KCNB2: variants seen among roughly 807,000 people sequenced by gnomAD.
KCNB2 encodes delayed rectifier potassium channel protein.
A neutral mutation model predicts 61.5 loss-of-function variants in KCNB2; 15 were observed. The observed-to-expected ratio is 0.24, with a 90% CI of 0.16 to 0.38. The LOEUF is 0.38. Among genes scored for constraint, KCNB2 ranks in the 10% least tolerant of loss-of-function variants. KCNB2 has a pLI of 1.00. For synonymous variants in KCNB2, 457 were observed against 446.0 expected (o/e 1.02, Z -0.31); for missense variants, 828 against 1,125.2 (o/e 0.74, Z 3.78).
At chr8:72,649,265 T>A (rs1806177513) in intron 2 of KCNB2, among the ~76,000 whole-genome samples, 1 of 152,144 alleles carries the variant, frequency 6.6e-6, no homozygotes, top group Non-Finnish European at 1.5e-5. Context: ...ACTGAATCTG[T>A]TTTTTCACTT....
chr8:72,901,598 A>G (rs1410228192), intron 2 of KCNB2, among the ~76,000 whole-genome samples: 2 of 152,120 alleles, frequency 1.3e-5, no homozygotes, highest in Admixed American at 6.6e-5. Context: ...TCCATTTTGG[A>G]TGAGCCATAG....
At chr8:72,640,451 C>G (rs79362556) in intron 2 of KCNB2, among the ~76,000 whole-genome samples, 2,794 of 152,098 alleles carry the variant, frequency 0.018, 67 homozygotes, top group African/African-American at 0.062. Flanking sequence ...TGAAGCAACC[C>G]AAATCCTGTC....
At chr8:72,701,951 CAAT>C (rs1301565810) in intron 2 of KCNB2, among the ~76,000 whole-genome samples, 7 of 152,082 alleles carry the variant, frequency 4.6e-5, no homozygotes, top group Admixed American at 4.6e-4. Flanking sequence ...AAAACATTAA[CAAT>C]GATTATTTTT....
intron 2 of KCNB2, among the ~76,000 whole-genome samples, chr8:72,804,287 G>A (rs1445306810): frequency 1.3e-5 from 2 of 152,028 alleles, no homozygotes; most frequent in African/African-American, 2.4e-5. Context: ...CCTTCCTCCC[G>A]GTTTTTTTTT....
At chr8:72,782,354 T>C (rs1455410011) in intron 2 of KCNB2, among the ~76,000 whole-genome samples, 1 of 151,996 alleles carries the variant, frequency 6.6e-6, no homozygotes, top group Non-Finnish European at 1.5e-5. Context: ...GGCAGACACA[T>C]CTGAATGTGT....
Position 72,660,221 on chromosome 8 carries a change from G to A in KCNB2, c.579+91908G>A, listed in dbSNP as rs776224774. Among the ~76,000 whole-genome samples the A allele has an allele frequency of 1.2e-3, 178 of 152,198 alleles. 1 individual carries two copies. The highest frequency in any genetic ancestry group is 2.0e-3 in the Non-Finnish European group (137 of 68,042). ...TTGTTAAAGGAGAATGAACTTGGAA[G>A]GTGGCTTACTTTTTTCAAGTGGGAA... On this transcript the variant is annotated intron_variant, in intron 2 of 2. Coordinates refer to ENST00000523207, the MANE Select transcript of KCNB2 (RefSeq NM_004770.3).
intron 2 of KCNB2, among the ~76,000 whole-genome samples, chr8:72,606,792 A>C (rs915243845): frequency 6.6e-6 from 1 of 152,194 alleles, no homozygotes; most frequent in South Asian, 2.1e-4. Flanking sequence ...CCAGGAGATG[A>C]GGTCTGCTTG....
intron 2 of KCNB2, among the ~76,000 whole-genome samples, chr8:72,889,850 G>C (rs1361361293): frequency 6.6e-6 from 1 of 151,942 alleles, no homozygotes; most frequent in African/African-American, 2.4e-5. Context: ...CCATCTCCTG[G>C]GTTCAAGCAA....
rs1563523646 is a variant in KCNB2 at position 72,561,778 on chromosome 8, G to GTGT, written c.-93-5864_-93-5863insTGT. On this transcript the variant is annotated intron_variant, in intron 1 of 2. Transcript: ENST00000523207. The stretch of plus-strand genomic sequence containing the variant: ...ATATATATGGATATATATATATATG[G>GTGT]ATATATATATACATATATATATATA... Among the ~76,000 whole-genome samples the GTGT allele has an allele frequency of 4.0e-3, 138 of 34,326 alleles. 18 individuals are homozygous for GTGT. Among genetic ancestry groups the GTGT allele is most frequent in the Admixed American group, 0.023 (61 of 2,654 alleles). The allele number at this position is 34,326 out of a possible 152,430, so 22.5% of individuals were successfully genotyped here. A position where few individuals can be genotyped will look rare whatever the true frequency, so the allele number is the denominator to read the frequency against.
intron 2 of KCNB2, among the ~76,000 whole-genome samples, chr8:72,648,491 C>T (rs1006527755): frequency 2.0e-5 from 3 of 150,842 alleles, no homozygotes; most frequent in African/African-American, 7.3e-5. Context: ...CTAGGCTGGT[C>T]GCGAACCCCT....
chr8:72,585,819 C>T lies in KCNB2; in HGVS notation c.579+17506C>T, dbSNP rs181426694. On this transcript the variant is annotated intron_variant, in intron 2 of 2. Coordinates refer to ENST00000523207, the MANE Select transcript of KCNB2 (RefSeq NM_004770.3). ...AGCAGATTTGGAAAATACCTTATTT[C>T]GGCCAAATAATGGCAACTGACATTT... 4.3e-3 allele frequency among the ~76,000 whole-genome samples: 655 copies of T among 152,264 alleles called. 1 individual carries two copies. The highest frequency in any genetic ancestry group is 0.031 in the Middle Eastern group (9 of 294).
At chr8:72,834,426 G>T (rs986353934) in intron 2 of KCNB2, among the ~76,000 whole-genome samples, 6 of 152,172 alleles carry the variant, frequency 3.9e-5, no homozygotes, top group African/African-American at 1.4e-4. Flanking sequence ...CAGTTCTGGA[G>T]CGATGTGAGC....
At chr8:72,732,467 T>C (rs1399077385) in intron 2 of KCNB2, among the ~76,000 whole-genome samples, 5 of 152,244 alleles carry the variant, frequency 3.3e-5, no homozygotes, top group Middle Eastern at 3.2e-3. Flanking sequence ...GCTGGTCACT[T>C]TCTATCCTTT....
chr8:72,882,316 C>A (rs1055596405), intron 2 of KCNB2, among the ~76,000 whole-genome samples: 1 of 152,162 alleles, frequency 6.6e-6, no homozygotes, highest in African/African-American at 2.4e-5. Context: ...ACTCACCTGC[C>A]TTCAGGGGCT....
At chr8:72,885,452 C>T (rs1805788470) in intron 2 of KCNB2, among the ~76,000 whole-genome samples, 1 of 152,004 alleles carries the variant, frequency 6.6e-6, no homozygotes, top group South Asian at 2.1e-4. Context: ...GTAAGCTTAG[C>T]CTTTTGATTA....
chr8:72,588,741 AAAT>A (rs1174813878), intron 2 of KCNB2, among the ~76,000 whole-genome samples: 2 of 90,134 alleles, frequency 2.2e-5, no homozygotes, highest in African/African-American at 6.5e-5. Context: ...AATAAAAAAT[AAAT>A]AAAAAAAAAA....
In KCNB2 at chr8:72,724,613, T is replaced by C. The variant is rs928439706; in HGVS notation, c.579+156300T>C. On this transcript the variant is annotated intron_variant, in intron 2 of 2. Coordinates refer to ENST00000523207, the MANE Select transcript of KCNB2 (RefSeq NM_004770.3). ...CAAATACAATATTAGGACACCACGT[T>C]AAATTTGAATTTCAGATAAATAACA... Among the ~76,000 whole-genome samples the C allele has an allele frequency of 2.6e-5, 4 of 152,354 alleles. No homozygotes were observed. The South Asian group carries it at 8.3e-4, about 32-fold the overall frequency.
At chr8:72,762,069 A>G (rs1276415647) in intron 2 of KCNB2, among the ~76,000 whole-genome samples, 1 of 152,194 alleles carries the variant, frequency 6.6e-6, no homozygotes, top group African/African-American at 2.4e-5. Context: ...TAAGTTCTTT[A>G]TGAAATACAT....
At chr8:72,612,612 T>C (rs1805558391) in intron 2 of KCNB2, among the ~76,000 whole-genome samples, 1 of 152,156 alleles carries the variant, frequency 6.6e-6, no homozygotes, top group African/African-American at 2.4e-5. Flanking sequence ...TAATAAAGCT[T>C]GACACATTGA....
Sources: gnomAD v4.1 joint callset for allele counts (sites outside exome capture counted in the v4.1 genomes callset) on GRCh38, gnomAD v4.1.1 for gene constraint, MANE v1.5 for transcripts, NCBI Gene and HGNC (gene_info 2026-07-23, HGNC 2026-07-21) for gene names.